Variants in MAPKAPK5 observed in about 807,000 individuals in gnomAD.
MAPKAPK5 encodes MAPK activated protein kinase 5.
Under a neutral mutation model 65.1 loss-of-function variants are expected in MAPKAPK5, and 30 were observed. That is an observed-to-expected ratio of 0.46 (90% CI 0.34 to 0.63). MAPKAPK5 has a LOEUF of 0.63. Among genes scored for constraint, MAPKAPK5 ranks in the 20% least tolerant of loss-of-function variants. MAPKAPK5 has a pLI of 0.01. For missense variants in MAPKAPK5, 433 were observed against 581.4 expected, an observed-to-expected ratio of 0.74 and a Z score of 2.63; for synonymous variants, 179 against 204.6, an observed-to-expected ratio of 0.87 and a Z score of 1.07.
chr12:111,888,551 C>G lies in MAPKAPK5; in HGVS notation c.1033C>G (p.Leu345Val). The G allele has an allele frequency of 6.2e-7, 1 of 1,614,002 alleles. No individual in the cohort carries two copies. The highest frequency in any genetic ancestry group is 8.5e-7 in the Non-Finnish European group (1 of 1,179,892). Residue 345 changes from leucine to valine, a missense_variant, in exon 11 of 14, where the codon CTG (leucine) becomes GTG (valine). Coordinates refer to ENST00000550735, the MANE Select transcript of MAPKAPK5 (RefSeq NM_003668.4). ...GTTGGCCAACATGAGAATCCAGGAT[C>G]TGAAAGTCAGCCTCAAACCCCTGCA... is the stretch of plus-strand genomic sequence containing the variant. The part of the protein sequence containing the change: ...EQLANMRIQD[L>V]KVSLKPLHSV...
intron 1 of MAPKAPK5, among the ~76,000 whole-genome samples, chr12:111,862,850 G>A (rs1453959240): frequency 1.3e-5 from 2 of 152,148 alleles, no homozygotes; most frequent in African/African-American, 2.4e-5. Flanking sequence ...CATTAGTTGA[G>A]TGGAACAGTT....
chr12:111,842,633 G>A lies in MAPKAPK5; in HGVS notation c.-101G>A, dbSNP rs1172153780. The A allele has an allele frequency of 3.5e-5, 29 of 826,916 alleles. No homozygotes were observed. In the East Asian group the frequency reaches 7.7e-4, roughly 22 times the overall value. 51.2% of individuals were successfully genotyped at this position (826,916 alleles called of 1,614,324 possible). A position where few individuals can be genotyped will look rare whatever the true frequency, so the allele number is the denominator to read the frequency against. ...GGCGGCTGCTGCCCGTCGCCACGAG[G>A]CCCAGGGGCCCGAGTGCCGAGCCCT... On this transcript the variant is annotated 5_prime_UTR_variant, in exon 1 of 14. Transcript: ENST00000550735.
chr12:111,849,551 C>T (rs375185925), intron 1 of MAPKAPK5, among the ~76,000 whole-genome samples: 10 of 151,440 alleles, frequency 6.6e-5, no homozygotes, highest in South Asian at 4.2e-4. Context: ...CGTCAGCCAC[C>T]GCACCTGGCC....
chr12:111,850,899 C>CTTTTTT (rs1028992831), intron 1 of MAPKAPK5, among the ~76,000 whole-genome samples: 1 of 126,102 alleles, frequency 7.9e-6, no homozygotes, highest in African/African-American at 3.1e-5. Flanking sequence ...AACCCATTTT[C>CTTTTTT]TTTTTTTTTT....
intron 7 of MAPKAPK5, among the ~76,000 whole-genome samples, 185 bp downstream of exon 7, chr12:111,871,365 G>A (rs530072033): frequency 1.3e-5 from 2 of 152,162 alleles, no homozygotes; most frequent in Admixed American, 6.5e-5. Flanking sequence ...CTTTAGCCAG[G>A]TGCGGTGGCT....
Position 111,892,976 on chromosome 12 carries a change from T to G in MAPKAPK5, c.1331T>G (p.Phe444Cys). The G allele has an allele frequency of 6.4e-7, 1 of 1,572,770 alleles. No homozygotes were observed. Among genetic ancestry groups the G allele is most frequent in the Non-Finnish European group, 8.6e-7 (1 of 1,158,642 alleles). ...LQSFSWNGRG[F>C]TDKVDRLKLA... ...CTTTTTTTGCTTTCAGGTCGTGGAT[T>G]CACAGATAAAGTAGATCGACTAAAA... Residue 444 changes from phenylalanine to cysteine, a missense_variant, in exon 14 of 14, where the codon TTC (phenylalanine) becomes TGC (cysteine). Transcript: ENST00000550735.
intron 1 of MAPKAPK5, among the ~76,000 whole-genome samples, chr12:111,863,984 C>G (rs1029415942): frequency 6.6e-6 from 1 of 152,032 alleles, no homozygotes; most frequent in Admixed American, 6.6e-5. Context: ...TAGACTATCA[C>G]AATTTAAATA....
intron 1 of MAPKAPK5, among the ~76,000 whole-genome samples, chr12:111,847,357 A>AG: frequency 6.6e-6 from 1 of 151,824 alleles, no homozygotes; most frequent in East Asian, 1.9e-4. Flanking sequence ...AAAAAAAAAA[A>AG]AAAATTTAGG....
Position 111,899,919 on chromosome 12 carries a change from G to T in MAPKAPK5, c.*6858G>T, listed in dbSNP as rs985907866. On this transcript the variant is annotated 3_prime_UTR_variant, in exon 14 of 14. Coordinates refer to ENST00000550735, the MANE Select transcript of MAPKAPK5 (RefSeq NM_003668.4). ...GCAACAAGGGAGCAGGAAGCCTCATGATCTACAGGCACTGTCCTACTTGTG... is the reference window on the plus strand; with the variant it reads ...GCAACAAGGGAGCAGGAAGCCTCATTATCTACAGGCACTGTCCTACTTGTG... 2.6e-5 allele frequency: 12 copies of T among 455,984 alleles called. No individual in the cohort carries two copies. The highest frequency in any genetic ancestry group is 4.9e-5 in the Non-Finnish European group (11 of 226,802). 28.2% of individuals were successfully genotyped at this position (455,984 alleles called of 1,614,324 possible).
At chr12:111,890,189 G>A (rs1001492640) in intron 13 of MAPKAPK5, 45 bp downstream of exon 13, 23 of 1,369,896 alleles carry the variant, frequency 1.7e-5, no homozygotes, top group Non-Finnish European at 2.1e-5. Flanking sequence ...GCAGACAAGT[G>A]ATTATGTTTA....
At chr12:111,879,113 A>C (rs1279459473) in intron 7 of MAPKAPK5, among the ~76,000 whole-genome samples, 1 of 152,160 alleles carries the variant, frequency 6.6e-6, no homozygotes, top group Non-Finnish European at 1.5e-5. Flanking sequence ...GGAAGTGCTG[A>C]GATTTTAGTG....
chr12:111,885,002 T>G (rs2070359398), intron 9 of MAPKAPK5, among the ~76,000 whole-genome samples: 1 of 152,240 alleles, frequency 6.6e-6, no homozygotes, highest in Non-Finnish European at 1.5e-5. Context: ...CTTGACATGC[T>G]ATTTCCTTGC....
rs1412347272 is a variant in MAPKAPK5, at chr12:111,876,969, A to G, written c.580-3478A>G. 2.0e-5 allele frequency among the ~76,000 whole-genome samples: 3 copies of G among 152,148 alleles called. No individual in the cohort carries two copies. In the East Asian group the frequency reaches 5.8e-4, roughly 29 times the overall value. ...CTTGTTATCTTTTATCTTTTTTAAT[A>G]GCCACTGTAAAAGGTGTGAGGTAAT... On this transcript the variant is annotated intron_variant, in intron 7 of 13. Coordinates refer to ENST00000550735, the MANE Select transcript of MAPKAPK5 (RefSeq NM_003668.4).
chr12:111,898,662 G>C lies in MAPKAPK5; in HGVS notation c.*5601G>C, dbSNP rs1046249596. On this transcript the variant is annotated 3_prime_UTR_variant, in exon 14 of 14. Transcript: ENST00000550735. ...ATTTGTTATGAACCAACGATAATGA[G>C]GGAAAACTTGGACATCCACATACAG... 6.6e-6 allele frequency: 1 copy of C among 152,098 alleles called. No homozygotes were observed. The highest frequency in any genetic ancestry group is 2.1e-4 in the South Asian group (1 of 4,820). 9.4% of individuals were successfully genotyped at this position (152,098 alleles called of 1,614,324 possible). A position where few individuals can be genotyped will look rare whatever the true frequency, so the allele number is the denominator to read the frequency against.
intron 1 of MAPKAPK5, among the ~76,000 whole-genome samples, chr12:111,844,577 T>G (rs1270773553): frequency 6.6e-6 from 1 of 152,232 alleles, no homozygotes; most frequent in Non-Finnish European, 1.5e-5. Context: ...TGTGGCCAGT[T>G]TTTAAACATT....
chr12:111,897,293 G>A lies in MAPKAPK5; in HGVS notation c.*4232G>A, dbSNP rs1046743111. 4 of 152,146 alleles carry A rather than the reference G, an allele frequency of 2.6e-5. No individual in the cohort carries two copies. The highest frequency in any genetic ancestry group is 9.7e-5 in the African/African-American group (4 of 41,434). 9.4% of individuals were successfully genotyped at this position (152,146 alleles called of 1,614,324 possible). A position where few individuals can be genotyped will look rare whatever the true frequency, so the allele number is the denominator to read the frequency against. On this transcript the variant is annotated 3_prime_UTR_variant, in exon 14 of 14. Coordinates refer to ENST00000550735, the MANE Select transcript of MAPKAPK5 (RefSeq NM_003668.4). ...TCTTTAAAAAGAGTTTATGTTGCTT[G>A]TATTCATTTGAGAAAAAATGAGTTG...
chr12:111,855,919 G>A (rs970006467), intron 1 of MAPKAPK5, among the ~76,000 whole-genome samples: 4 of 148,180 alleles, frequency 2.7e-5, no homozygotes, highest in Admixed American at 2.7e-4. Flanking sequence ...GCAATGGCGT[G>A]ATCTTGGTTC....
intron 1 of MAPKAPK5, among the ~76,000 whole-genome samples, chr12:111,851,974 T>C (rs148287622): frequency 6.6e-6 from 1 of 152,270 alleles, no homozygotes; most frequent in Non-Finnish European, 1.5e-5. Context: ...TAATAGAAGA[T>C]GACTTGATGG....
intron 1 of MAPKAPK5, among the ~76,000 whole-genome samples, chr12:111,856,215 CTTAA>C (rs1028093475): frequency 2.0e-5 from 3 of 152,006 alleles, no homozygotes; most frequent in African/African-American, 7.2e-5. Context: ...TCATTTCTGG[CTTAA>C]TTCCATGGTG....
Sources: gnomAD v4.1 joint callset for allele counts (sites outside exome capture counted in the v4.1 genomes callset) on GRCh38, gnomAD v4.1.1 for gene constraint, MANE v1.5 for transcripts, NCBI Gene and HGNC (gene_info 2026-07-23, HGNC 2026-07-21) for gene names.